Variants in DSG3 observed in about 807,000 individuals in gnomAD.
DSG3 encodes the protein desmoglein 3.
In DSG3, 63 loss-of-function variants were observed where a neutral mutation model predicts 85.9. The ratio of observed to expected loss-of-function variants is 0.73; its 90% CI spans 0.60 to 0.90. The LOEUF is 0.90. DSG3 is among the 40% of genes least tolerant of loss of function. The pLI, the probability that DSG3 is intolerant of heterozygous loss-of-function variation, is 0.00. For synonymous variants in DSG3, 447 were observed against 441.9 expected (o/e 1.01, Z -0.14); for missense variants, 1,220 against 1,219.9 (o/e 1.00, Z 0.00).
intron 1 of DSG3, among the ~76,000 whole-genome samples, chr18:31,452,906 G>A (rs2144261166): frequency 6.6e-6 from 1 of 152,094 alleles, no homozygotes; most frequent in East Asian, 1.9e-4. Flanking sequence ...ATTTTTCTTA[G>A]CATTCTGTCA....
intron 7 of DSG3, 70 bp downstream of exon 7, chr18:31,461,031 T>C: frequency 6.9e-7 from 1 of 1,446,592 alleles, no homozygotes; most frequent in South Asian, 1.5e-5. Context: ...ATTCAGGACT[T>C]GCCTGTTTGT....
intron 12 of DSG3, 41 bp downstream of exon 12, chr18:31,469,390 C>T: frequency 5.0e-6 from 8 of 1,605,752 alleles, no homozygotes; most frequent in Non-Finnish European, 5.9e-6. Flanking sequence ...ACCAGGTGTC[C>T]TCATTTGCAA....
chr18:31,458,970 C>T, intron 4 of DSG3, 63 bp from the exon 5 acceptor site: 6 of 1,554,968 alleles, frequency 3.9e-6, no homozygotes, highest in South Asian at 2.4e-5. Flanking sequence ...CTTATTTATA[C>T]AAGTTTTAAT....
chr18:31,459,184 C>T lies in DSG3; in HGVS notation c.517+7C>T, dbSNP rs1353067128. 15 of 1,609,954 alleles carry T rather than the reference C, an allele frequency of 9.3e-6. No individual in the cohort carries two copies. The highest frequency in any genetic ancestry group is 1.1e-5 in the Non-Finnish European group (13 of 1,178,976). On this transcript the variant is annotated splice_region_variant and intron_variant, in intron 5 of 15. Transcript: ENST00000257189. ...GAAGAAAATAGTGCCTCAAGTAAGT[C>T]TTTTACAGTACTTACCACTTTCAGT... is the stretch of plus-strand genomic sequence containing the variant.
intron 6 of DSG3, 120 bp from the exon 7 acceptor site, chr18:31,460,713 C>T (rs2072778431): frequency 1.1e-6 from 1 of 923,866 alleles, no homozygotes; most frequent in Admixed American, 3.4e-5. Context: ...ATCCAGAGTC[C>T]CACAAATGTC....
intron 11 of DSG3, among the ~76,000 whole-genome samples, chr18:31,467,464 C>T (rs931058921): frequency 6.6e-6 from 1 of 152,192 alleles, no homozygotes; most frequent in African/African-American, 2.4e-5. Flanking sequence ...AGTCAGTCTG[C>T]TCAAGGCTCA....
Position 31,466,758 on chromosome 18 carries a change from A to C in DSG3, c.1636+4A>C. The C allele has an allele frequency of 1.9e-6, 3 of 1,612,678 alleles. No homozygotes were observed. Among genetic ancestry groups the C allele is most frequent in the Non-Finnish European group, 2.5e-6 (3 of 1,178,890 alleles). Reference sequence around the variant, plus strand: ...TGGAGTATCACAACCCTCAATGGTGAGTAACAGTAAAGTTGCTTCTATAAA... The same window carrying C: ...TGGAGTATCACAACCCTCAATGGTGCGTAACAGTAAAGTTGCTTCTATAAA... On this transcript the variant is annotated splice_donor_region_variant and intron_variant, in intron 11 of 15. Coordinates refer to ENST00000257189, the MANE Select transcript of DSG3 (RefSeq NM_001944.3).
chr18:31,474,012 C>T lies in DSG3; in HGVS notation c.2102-109C>T. On this transcript the variant is annotated intron_variant, in intron 14 of 15. Transcript: ENST00000257189. ...TCTAGTCATATAATTGTATTTTCTCCCACTTACTTGTTTGCATGGTGACTG... is the reference window on the plus strand; with the variant it reads ...TCTAGTCATATAATTGTATTTTCTCTCACTTACTTGTTTGCATGGTGACTG... 4 of 1,023,956 alleles carry T rather than the reference C, an allele frequency of 3.9e-6. No individual in the cohort carries two copies. In the South Asian group the frequency reaches 4.9e-5, roughly 13 times the overall value. The allele number at this position is 1,023,956 out of a possible 1,614,324, so 63.4% of individuals were successfully genotyped here.
At chr18:31,475,381 G>A (rs1357715943) in intron 15 of DSG3, among the ~76,000 whole-genome samples, 2 of 152,136 alleles carry the variant, frequency 1.3e-5, no homozygotes, top group East Asian at 3.9e-4. Flanking sequence ...TAGGTGGGAT[G>A]TGTGTTACAG....
At chr18:31,469,470 C>T in intron 12 of DSG3, 121 bp downstream of exon 12, 1 of 1,396,742 alleles carries the variant, frequency 7.2e-7, no homozygotes, top group Admixed American at 2.6e-5. Flanking sequence ...ATAGGTAAAG[C>T]TAGGGGAAAA....
rs745916592 is a variant in DSG3, at chr18:31,460,906, G to A, written c.758G>A (p.Cys253Tyr). The A allele has an allele frequency of 6.2e-7, 1 of 1,605,112 alleles. No individual in the cohort carries two copies. The highest frequency in any genetic ancestry group is 8.5e-7 in the Non-Finnish European group (1 of 1,177,208). Reference protein sequence around the residue: ...DGEGLSTQCECNIKVKDVNDN... With the variant: ...DGEGLSTQCEYNIKVKDVNDN... ...GAAGGACTATCAACTCAATGTGAAT[G>A]TAATATTAAAGTGAAAGATGTCAAC... The change falls in exon 7 of 16, where the codon TGT becomes TAT. Residue 253 changes from cysteine to tyrosine, a missense_variant. By Grantham distance (194) the Cys-to-Tyr change is radical (BLOSUM62 -2). Transcript: ENST00000257189.
At chr18:31,460,997 T>C (rs759033343) in intron 7 of DSG3, 36 bp downstream of exon 7, 4 of 1,542,788 alleles carry the variant, frequency 2.6e-6, no homozygotes, top group Non-Finnish European at 3.5e-6. Flanking sequence ...CATTTAGATA[T>C]ATATTTAATA....
chr18:31,466,422 G>A, intron 10 of DSG3, 108 bp from the exon 11 acceptor site: 1 of 911,298 alleles, frequency 1.1e-6, no homozygotes, highest in Non-Finnish European at 1.7e-6. Context: ...AGTATTTCAT[G>A]AGAAGACACA....
chr18:31,472,417 A>G lies in DSG3; in HGVS notation c.2031A>G (p.Glu677=), dbSNP rs759314027. 3.7e-6 allele frequency: 6 copies of G among 1,612,330 alleles called. No homozygotes were observed. The highest frequency in any genetic ancestry group is 1.7e-4 in the Middle Eastern group (1 of 6,040). ...HQWGIEGAHP[E]DKEITNICVP... ...GGGGAATTGAAGGAGCCCATCCTGA[A>G]GACAAGGTAAGCATCCAGTTCATAA... The change falls in exon 13 of 16, where the codon GAA becomes GAG. Residue 677 remains glutamate (E), a synonymous_variant. Transcript: ENST00000257189.
In DSG3 at chr18:31,460,879, G is replaced by C; in HGVS notation, c.731G>C (p.Gly244Ala). 1 of 1,600,390 alleles carries C rather than the reference G, an allele frequency of 6.2e-7. No individual in the cohort carries two copies. The change falls in exon 7 of 16, where the codon GGA becomes GCA. Residue 244 changes from glycine to alanine, a missense_variant. Physicochemically the swap from Gly to Ala is moderately conservative, Grantham distance 60. Coordinates refer to ENST00000257189, the MANE Select transcript of DSG3 (RefSeq NM_001944.3). ...RLVVSGADKDGEGLSTQCECN... is the reference protein window; with the variant it reads ...RLVVSGADKDAEGLSTQCECN... ...GTTGTGAGTGGTGCAGACAAAGATG[G>C]AGAAGGACTATCAACTCAATGTGAA...
In DSG3 at chr18:31,447,901, T is replaced by C. The variant is rs780642197; in HGVS notation, c.24T>C (p.Thr8=). The change falls in exon 1 of 16, where the codon ACT becomes ACC. Residue 8 remains threonine (T), a synonymous_variant. Coordinates refer to ENST00000257189, the MANE Select transcript of DSG3 (RefSeq NM_001944.3). MMGLFPR[T]TGALAIFVVV... is the part of the protein sequence containing the mutation. Reference sequence around the variant, plus strand: ...CAATGATGGGGCTCTTCCCCAGAACTACAGGGGCTCTGGCCATCTTCGTGG... The same window carrying C: ...CAATGATGGGGCTCTTCCCCAGAACCACAGGGGCTCTGGCCATCTTCGTGG... 2 of 1,590,610 alleles carry C rather than the reference T, an allele frequency of 1.3e-6. No homozygotes were observed. Among genetic ancestry groups the C allele is most frequent in the Non-Finnish European group, 1.7e-6 (2 of 1,170,128 alleles).
rs529282322 is a variant in DSG3 at position 31,477,367 on chromosome 18, C to T, written c.*1107C>T. On this transcript the variant is annotated 3_prime_UTR_variant, in exon 16 of 16. Transcript: ENST00000257189. ...AATGTCAGTGAGTAGATGTAGCATA[C>T]ATATGATGTATAATGACGTGTATTA... is the stretch of plus-strand genomic sequence containing the variant. The T allele has an allele frequency of 6.6e-6, 1 of 152,296 alleles. No individual in the cohort carries two copies. The highest frequency in any genetic ancestry group is 2.1e-4 in the South Asian group (1 of 4,824). 9.4% of individuals were successfully genotyped at this position (152,296 alleles called of 1,614,324 possible). A position where few individuals can be genotyped will look rare whatever the true frequency, so the allele number is the denominator to read the frequency against.
Position 31,477,699 on chromosome 18 carries a change from A to T in DSG3, c.*1439A>T, listed in dbSNP as rs552975470. ...AAGGTTTAGATGTATCACTTCATGC[A>T]TGCTACCATGATAGTAATGCAGCTC... On this transcript the variant is annotated 3_prime_UTR_variant, in exon 16 of 16. Transcript: ENST00000257189. 1 of 152,184 alleles carries T rather than the reference A, an allele frequency of 6.6e-6. No individual in the cohort carries two copies. 9.4% of individuals were successfully genotyped at this position (152,184 alleles called of 1,614,324 possible).
rs1363156384 is a variant in DSG3, at chr18:31,466,692, C to T, written c.1574C>T (p.Thr525Ile). Residue 525 changes from threonine (T) to isoleucine (I), a missense_variant, in exon 11 of 16, where the codon ACA (threonine) becomes ATA (isoleucine). Coordinates refer to ENST00000257189, the MANE Select transcript of DSG3 (RefSeq NM_001944.3). ...TLNNRYTGPY[T>I]FALEDQPVKL... is the part of the protein sequence containing the mutation. ...AATAATAGATACACTGGCCCCTATA[C>T]ATTTGCACTGGAAGATCAACCTGTA... 6.2e-7 allele frequency: 1 copy of T among 1,614,200 alleles called. No individual in the cohort carries two copies. The highest frequency in any genetic ancestry group is 1.6e-4 in the Middle Eastern group (1 of 6,062).
Sources: gnomAD v4.1 joint callset for allele counts (sites outside exome capture counted in the v4.1 genomes callset) on GRCh38, gnomAD v4.1.1 for gene constraint, MANE v1.5 for transcripts, NCBI Gene and HGNC (gene_info 2026-07-23, HGNC 2026-07-21) for gene names.